The following ZNF385D variants were observed in gnomAD, a reference collection of about 807,000 sequenced individuals.
ZNF385D encodes the protein zinc finger protein 659.
In ZNF385D, 15 loss-of-function variants were observed where a neutral mutation model predicts 35.8. The observed-to-expected ratio is 0.42, with a 90% confidence interval of 0.28 to 0.64. The LOEUF (loss-of-function observed/expected upper bound fraction) is 0.64. ZNF385D is among the 30% of genes least tolerant of loss of function. The pLI is 0.23. For synonymous variants in ZNF385D, 212 were observed against 186.8 expected, an observed-to-expected ratio of 1.13 and a Z score of -1.10; for missense variants, 474 against 494.6, an observed-to-expected ratio of 0.96 and a Z score of 0.39.
chr3:22,275,434 T>G (rs1701378785), intron 2 of ZNF385D, among the ~76,000 whole-genome samples: 1 of 152,220 alleles, frequency 6.6e-6, no homozygotes, highest in African/African-American at 2.4e-5. Context: ...CAAAGTACAA[T>G]GGTTCTTTGA....
intron 3 of ZNF385D, among the ~76,000 whole-genome samples, chr3:22,065,398 G>C (rs1312223200): frequency 2.0e-5 from 3 of 152,190 alleles, no homozygotes; most frequent in Non-Finnish European, 4.4e-5. Flanking sequence ...AAAGAATGAT[G>C]CCTGCTTTTC....
chr3:21,412,496 A>G lies in ZNF385D; in HGVS notation c.*8718T>C, dbSNP rs990217694. 2.6e-5 allele frequency: 4 copies of G among 152,088 alleles called. No homozygotes were observed. Among genetic ancestry groups the G allele is most frequent in the African/African-American group, 7.2e-5 (3 of 41,426 alleles). The allele number at this position is 152,088 out of a possible 1,614,324, so 9.4% of individuals were successfully genotyped here. The stretch of plus-strand genomic sequence containing the variant: ...GTTTCCCAAATTGAAAACATTGCCT[A>G]TGGATTATCTACAGAAGAGAGGAAA... On this transcript the variant is annotated 3_prime_UTR_variant, in exon 8 of 8. Coordinates refer to ENST00000281523, the MANE Select transcript of ZNF385D (RefSeq NM_024697.3).
At chr3:22,312,719 T>C (rs892156397) in intron 2 of ZNF385D, among the ~76,000 whole-genome samples, 1 of 150,558 alleles carries the variant, frequency 6.6e-6, no homozygotes, top group African/African-American at 2.5e-5. Context: ...CTCACACCAG[T>C]TAGAATGGCA....
At chr3:22,347,494 A>G (rs967953861) in intron 2 of ZNF385D, among the ~76,000 whole-genome samples, 2 of 152,214 alleles carry the variant, frequency 1.3e-5, no homozygotes, top group Non-Finnish European at 2.9e-5. Context: ...AGAAAAGGCT[A>G]GCTAACATCA....
rs912352116 is a variant in ZNF385D at position 21,582,603 on chromosome 3, AGATAAAGGAAG to A, written c.166-17930_166-17920del. 1.6e-4 allele frequency among the ~76,000 whole-genome samples: 25 copies of A among 152,238 alleles called. 1 individual carries two copies. The highest frequency in any genetic ancestry group is 1.2e-3 in the Admixed American group (18 of 15,296). On this transcript the variant is annotated intron_variant, in intron 2 of 7. Coordinates refer to ENST00000281523, the MANE Select transcript of ZNF385D (RefSeq NM_024697.3). ...TTCAGCAAGACGTTCTCAGTTGTGG[AGATAAAGGAAG>A]GATAAAGTCAAGGATATCTGATATT...
chr3:22,077,661 G>T (rs958992456), intron 3 of ZNF385D, among the ~76,000 whole-genome samples: 1 of 151,804 alleles, frequency 6.6e-6, no homozygotes, highest in African/African-American at 2.4e-5. Context: ...TATTGTTTTG[G>T]TTCACATGTA....
At chr3:21,997,164 A>G (rs963001871) in intron 3 of ZNF385D, among the ~76,000 whole-genome samples, 1 of 152,176 alleles carries the variant, frequency 6.6e-6, no homozygotes, top group African/African-American at 2.4e-5. Context: ...AATACTATGC[A>G]GCTGTAAAAA....
In ZNF385D at chr3:22,125,660, T is replaced by C. The variant is rs1453749884; in HGVS notation, c.325+43157A>G. ...TCTTTCACATTTTTGGTTAAGTTTA[T>C]TATCAGGTATTTTATTGGTAGCCAT... On this transcript the variant is annotated intron_variant, in intron 3 of 5. Coordinates refer to the ZNF385D transcript ENST00000494108. Among the ~76,000 whole-genome samples, 2 of 152,248 alleles carry C rather than the reference T, an allele frequency of 1.3e-5. 1 individual carries two copies. The highest frequency in any genetic ancestry group is 4.1e-4 in the South Asian group (2 of 4,832).
chr3:21,765,660 G>A (rs1477678962), intron 3 of ZNF385D, among the ~76,000 whole-genome samples: 2 of 151,454 alleles, frequency 1.3e-5, no homozygotes, highest in African/African-American at 4.9e-5. Context: ...AAAATAGAAA[G>A]AGGAAGAAAT....
chr3:22,266,868 A>T (rs1032395086), intron 2 of ZNF385D, among the ~76,000 whole-genome samples: 13 of 151,942 alleles, frequency 8.6e-5, no homozygotes, highest in African/African-American at 3.1e-4. Context: ...TGGGAAAGGT[A>T]GTGTCATCCA....
chr3:21,462,891 A>G (rs1444558789), intron 4 of ZNF385D, among the ~76,000 whole-genome samples: 1 of 152,224 alleles, frequency 6.6e-6, no homozygotes, highest in Non-Finnish European at 1.5e-5. Context: ...TTGAGGCAGC[A>G]GAATCACTCG....
At chr3:22,178,784 G>A (rs1695014225) in intron 2 of ZNF385D, among the ~76,000 whole-genome samples, 1 of 152,172 alleles carries the variant, frequency 6.6e-6, no homozygotes, top group South Asian at 2.1e-4. Flanking sequence ...AAGGGATCTA[G>A]TTTCAGCTTT....
At chr3:22,238,302 T>C (rs528826276) in intron 2 of ZNF385D, among the ~76,000 whole-genome samples, 1 of 151,216 alleles carries the variant, frequency 6.6e-6, no homozygotes, top group African/African-American at 2.4e-5. Context: ...GGGGGTCCCT[T>C]GCATTTCCAT....
intron 3 of ZNF385D, among the ~76,000 whole-genome samples, chr3:21,787,128 A>G (rs1049702690): frequency 2.0e-5 from 3 of 152,138 alleles, no homozygotes; most frequent in Non-Finnish European, 4.4e-5. Flanking sequence ...AATGGAGGAA[A>G]AAACACCTGA....
chr3:22,317,781 C>A (rs974582317), intron 2 of ZNF385D, among the ~76,000 whole-genome samples: 4 of 152,134 alleles, frequency 2.6e-5, no homozygotes, highest in Non-Finnish European at 5.9e-5. Context: ...GTGAATCAGG[C>A]TGGGCATGGT....
At chr3:21,925,959 T>TA (rs1241183522) in intron 3 of ZNF385D, among the ~76,000 whole-genome samples, 1 of 152,076 alleles carries the variant, frequency 6.6e-6, no homozygotes, top group Admixed American at 6.6e-5. Flanking sequence ...AATGGCTAAG[T>TA]AAAAAAATAG....
At chr3:22,100,522 A>G (rs985235882) in intron 3 of ZNF385D, among the ~76,000 whole-genome samples, 3 of 152,120 alleles carry the variant, frequency 2.0e-5, no homozygotes, top group Non-Finnish European at 2.9e-5. Flanking sequence ...GGATGAGTTC[A>G]TGACCTTTGT....
intron 2 of ZNF385D, among the ~76,000 whole-genome samples, chr3:22,279,471 GTA>G (rs150215075): frequency 9.1e-4 from 121 of 133,454 alleles, no homozygotes; most frequent in African/African-American, 3.0e-3. Context: ...GTATTCCACA[GTA>G]TATATATATA....
At chr3:21,526,600 C>A (rs1708239858) in intron 3 of ZNF385D, among the ~76,000 whole-genome samples, 1 of 152,058 alleles carries the variant, frequency 6.6e-6, no homozygotes, top group Non-Finnish European at 1.5e-5. Context: ...ATAAGAGCTT[C>A]TGAAAGGGAA....
Sources: allele counts gnomAD v4.1 joint callset (sites outside exome capture counted in the v4.1 genomes callset), GRCh38; gene constraint gnomAD v4.1.1; transcripts MANE v1.5; gene names NCBI Gene and HGNC (gene_info 2026-07-23, HGNC 2026-07-21).